PMM2: variants seen among roughly 807,000 people sequenced by gnomAD.
PMM2 encodes mannose-6-phosphate isomerase.
In PMM2, 35 loss-of-function variants were observed where a neutral mutation model predicts 33.2. That is an observed-to-expected ratio of 1.06 (90% confidence interval 0.81 to 1.40). The LOEUF (loss-of-function observed/expected upper bound fraction) is 1.40, where lower values mean the gene tolerates loss of function less well. Among genes scored for constraint, PMM2 ranks in the 40% most tolerant of loss-of-function variants. PMM2 has a pLI of 0.00. For missense variants in PMM2, 386 were observed against 306.0 expected (o/e 1.26, Z -1.95); for synonymous variants, 153 against 114.7 (o/e 1.33, Z -2.13).
intron 1 of PMM2, among the ~76,000 whole-genome samples, chr16:8,800,766 C>T (rs1714941607): frequency 6.6e-6 from 1 of 152,052 alleles, no homozygotes; most frequent in Non-Finnish European, 1.5e-5. Flanking sequence ...TCACTGCAAC[C>T]TCTGACTCCC....
intron 7 of PMM2, among the ~76,000 whole-genome samples, chr16:8,839,176 A>AG (rs1021711861): frequency 6.6e-6 from 1 of 151,974 alleles, no homozygotes; most frequent in African/African-American, 2.4e-5. Flanking sequence ...CGGTGTCATG[A>AG]GGGGAACAGG....
At position 8,813,064 on chromosome 16, in the gene PMM2, C is replaced by A; in HGVS notation, c.597C>A (p.Asp199Glu). 1 of 1,611,932 alleles carries A rather than the reference C, an allele frequency of 6.2e-7. No individual in the cohort carries two copies. Among genetic ancestry groups the A allele is most frequent in the Non-Finnish European group, 8.5e-7 (1 of 1,177,924 alleles). ...KRYCLRHVEN[D>E]GYKTIYFFGD... is the part of the protein sequence containing the mutation. Reference sequence around the variant, plus strand: ...ACTGTCTGCGACATGTGGAAAATGACGGTTATAAGACCATTTATTTCTTTG... The same window carrying A: ...ACTGTCTGCGACATGTGGAAAATGAAGGTTATAAGACCATTTATTTCTTTG... The change falls in exon 7 of 8, where the codon GAC becomes GAA. Residue 199 changes from aspartate to glutamate, a missense_variant. Asp to Glu is a conservative substitution (Grantham distance 45). Transcript: ENST00000268261.
intron 7 of PMM2, among the ~76,000 whole-genome samples, chr16:8,826,945 T>C (rs893045473): frequency 2.4e-4 from 37 of 152,196 alleles, no homozygotes; most frequent in African/African-American, 8.0e-4. Context: ...CAAGATCTTT[T>C]CTCATATAAA....
intron 4 of PMM2, chr16:8,810,860 C>T (rs541064527): frequency 6.8e-6 from 4 of 586,924 alleles, no homozygotes; most frequent in African/African-American, 3.7e-5. Context: ...CTTTTTCATA[C>T]TAAATCTTTC....
intron 1 of PMM2, among the ~76,000 whole-genome samples, chr16:8,801,105 G>C (rs1039664305): frequency 3.3e-5 from 5 of 152,196 alleles, no homozygotes; most frequent in Non-Finnish European, 5.9e-5. Flanking sequence ...GGCATGAAAA[G>C]ATCACCACAG....
chr16:8,828,552 C>T (rs907700472), intron 7 of PMM2, among the ~76,000 whole-genome samples: 3 of 152,102 alleles, frequency 2.0e-5, no homozygotes, highest in Non-Finnish European at 2.9e-5. Context: ...CAGCTACCGA[C>T]ATGAACCCAA....
chr16:8,847,689 G>C (rs375162613), intron 7 of PMM2, 35 bp from the exon 8 acceptor site: 27 of 1,484,734 alleles, frequency 1.8e-5, no homozygotes, highest in Non-Finnish European at 2.1e-5. Flanking sequence ...GGACAGACGA[G>C]GGGGAGCCTT....
At chr16:8,804,999 T>C (rs1477376059) in intron 3 of PMM2, among the ~76,000 whole-genome samples, 156 bp downstream of exon 3, 1 of 152,258 alleles carries the variant, frequency 6.6e-6, no homozygotes, top group Non-Finnish European at 1.5e-5. Flanking sequence ...GACTATTACA[T>C]ATTCTACATT....
In PMM2 at chr16:8,829,468, A is replaced by G. The variant is rs1338182551; in HGVS notation, c.639+16362A>G. 4.6e-5 allele frequency among the ~76,000 whole-genome samples: 7 copies of G among 152,226 alleles called. No individual in the cohort carries two copies. In the South Asian group the frequency reaches 8.3e-4, roughly 18 times the overall value. ...TCTCAATTTTTCAAGATGCTGCCCA[A>G]TGGGCTGCATGGGGAACTGAATTAA... is the stretch of plus-strand genomic sequence containing the variant. On this transcript the variant is annotated intron_variant, in intron 7 of 7. Coordinates refer to ENST00000268261, the MANE Select transcript of PMM2 (RefSeq NM_000303.3).
rs12929905 is a variant in PMM2 at position 8,841,265 on chromosome 16, T to A, written c.640-6459T>A. On this transcript the variant is annotated intron_variant, in intron 7 of 7. Transcript: ENST00000268261. The stretch of plus-strand genomic sequence containing the variant: ...AGTAAAGGCTGGTCCGTTATCAGAC[T>A]GTATAGAGGTGGGAAGGCTAAACTG... Among the ~76,000 whole-genome samples, 37 of 146,990 alleles carry A rather than the reference T, an allele frequency of 2.5e-4. No homozygotes were observed. The South Asian group carries it at 3.4e-3, about 14-fold the overall frequency.
chr16:8,832,132 T>G (rs2060813683), intron 7 of PMM2: 31 of 985,394 alleles, frequency 3.1e-5, no homozygotes, highest in Non-Finnish European at 3.6e-5. Context: ...TACTCTGGTA[T>G]GCAAGCTCGA....
intron 7 of PMM2, among the ~76,000 whole-genome samples, chr16:8,844,052 T>C (rs61407722): frequency 0.29 from 43,685 of 151,898 alleles, 6,433 homozygotes; most frequent in South Asian, 0.34. Context: ...CACCTCAGAC[T>C]GTTTGCCCAT....
At chr16:8,845,615 G>T (rs891386960) in intron 7 of PMM2, among the ~76,000 whole-genome samples, 5 of 151,508 alleles carry the variant, frequency 3.3e-5, no homozygotes, top group African/African-American at 1.2e-4. Flanking sequence ...GTCTCGCTCT[G>T]TTGCCCAGGC....
chr16:8,845,525 C>T (rs576657616), intron 7 of PMM2, among the ~76,000 whole-genome samples: 2 of 151,938 alleles, frequency 1.3e-5, no homozygotes, highest in African/African-American at 4.8e-5. Context: ...GTCACTGAGG[C>T]GGGGAGGGTG....
At chr16:8,845,236 C>G (rs1330363845) in intron 7 of PMM2, among the ~76,000 whole-genome samples, 6 of 152,062 alleles carry the variant, frequency 3.9e-5, no homozygotes, top group African/African-American at 1.5e-4. Context: ...AGTACATCCT[C>G]AAGAGTGGGG....
At chr16:8,841,671 G>A (rs1304100653) in intron 7 of PMM2, among the ~76,000 whole-genome samples, 4 of 142,716 alleles carry the variant, frequency 2.8e-5, no homozygotes, top group Non-Finnish European at 6.2e-5. Flanking sequence ...TGGTGGAACC[G>A]CCATCAATAA....
intron 7 of PMM2, among the ~76,000 whole-genome samples, chr16:8,838,635 T>G (rs2060868401): frequency 6.6e-6 from 1 of 151,876 alleles, no homozygotes; most frequent in African/African-American, 2.4e-5. Flanking sequence ...ATAGAATGAT[T>G]GGTGATGGTC....
At chr16:8,838,907 C>T (rs2060870824) in intron 7 of PMM2, among the ~76,000 whole-genome samples, 1 of 151,610 alleles carries the variant, frequency 6.6e-6, no homozygotes, top group African/African-American at 2.4e-5. Context: ...TATGCAGAGT[C>T]CTCTTTTTTC....
At chr16:8,845,526 G>T (rs969724005) in intron 7 of PMM2, among the ~76,000 whole-genome samples, 1 of 152,092 alleles carries the variant, frequency 6.6e-6, no homozygotes, top group Non-Finnish European at 1.5e-5. Flanking sequence ...TCACTGAGGC[G>T]GGGAGGGTGT....
Sources: gnomAD v4.1 joint callset for allele counts (sites outside exome capture counted in the v4.1 genomes callset) on GRCh38, gnomAD v4.1.1 for gene constraint, MANE v1.5 for transcripts, NCBI Gene and HGNC (gene_info 2026-07-23, HGNC 2026-07-21) for gene names.